The following UQCRFS1 variants were observed in gnomAD, a reference collection of about 807,000 sequenced individuals.
The protein encoded by UQCRFS1 is cytochrome b-c1 complex subunit Rieske, mitochondrial.
A neutral mutation model predicts 15.6 loss-of-function variants in UQCRFS1; 6 were observed. The ratio of observed to expected loss-of-function variants is 0.38; its 90% CI spans 0.21 to 0.76. The LOEUF (loss-of-function observed/expected upper bound fraction) is 0.76, where lower values mean the gene tolerates loss of function less well. UQCRFS1 is among the 30% of genes least tolerant of loss of function. The pLI is 0.44. For missense variants in UQCRFS1, 203 were observed against 366.7 expected (o/e 0.55, Z 3.65); for synonymous variants, 105 against 154.3 (o/e 0.68, Z 2.37).
rs1035743230 is a variant in UQCRFS1, at chr19:29,212,986, G to C, written c.133C>G (p.Leu45Val). The change falls in exon 1 of 2, where the codon CTG becomes GTG. Residue 45 changes from leucine (L) to valine (V), a missense_variant. By Grantham distance (32) the Leu-to-Val change is conservative. Around this residue, in one of 3 missense-constraint regions of UQCRFS1, gnomAD observed 92 missense variants for 120.5 expected, o/e 0.76. Coordinates refer to ENST00000304863, the MANE Select transcript of UQCRFS1 (RefSeq NM_006003.3). ...PATPEQPVLD[L>V]KRPFLSRESL... is the part of the protein sequence containing the mutation. ...TCCCGGCTGAGGAAGGGCCGCTTCA[G>C]GTCCAACACAGGCTGCTCCGGGGTG... The C allele has an allele frequency of 7.1e-7, 1 of 1,406,540 alleles. No homozygotes were observed. Among genetic ancestry groups the C allele is most frequent in the Non-Finnish European group, 9.1e-7 (1 of 1,093,752 alleles). The allele number at this position is 1,406,540 out of a possible 1,614,324, so 87.1% of individuals were successfully genotyped here.
intron 1 of UQCRFS1, among the ~76,000 whole-genome samples, 164 bp downstream of exon 1, chr19:29,212,741 G>A (rs1001225396): frequency 4.1e-4 from 62 of 152,174 alleles, no homozygotes; most frequent in African/African-American, 1.4e-3. Flanking sequence ...CCGGCCACCA[G>A]AAAGACGCCC....
At chr19:29,209,595 T>A (rs910936866) in intron 1 of UQCRFS1, among the ~76,000 whole-genome samples, 2 of 152,124 alleles carry the variant, frequency 1.3e-5, no homozygotes, top group African/African-American at 4.8e-5. Context: ...AACTTGAGAC[T>A]CACATCCCAG....
At position 29,208,063 on chromosome 19, in the gene UQCRFS1, T is replaced by G; in HGVS notation, c.310A>C (p.Arg104=). Reference sequence around the variant, plus strand: ...CCTTTCCTAGCCTCGCTGCTTTCTCTTGAAGACTTCGTACTATCTAAAACT... The same window carrying G: ...CCTTTCCTAGCCTCGCTGCTTTCTCGTGAAGACTTCGTACTATCTAAAACT... ...LEVLDSTKSS[R]ESSEARKGFS... Residue 104 remains arginine, a synonymous_variant, in exon 2 of 2, where the codon AGA becomes CGA. Coordinates refer to ENST00000304863, the MANE Select transcript of UQCRFS1 (RefSeq NM_006003.3). The G allele has an allele frequency of 6.2e-7, 1 of 1,614,118 alleles. No homozygotes were observed. Among genetic ancestry groups the G allele is most frequent in the Non-Finnish European group, 8.5e-7 (1 of 1,179,950 alleles).
rs1225857845 is a variant in UQCRFS1 at position 29,206,401 on chromosome 19, A to T, written c.*1147T>A. The T allele has an allele frequency of 6.6e-6, 1 of 152,190 alleles. No homozygotes were observed. The highest frequency in any genetic ancestry group is 1.5e-5 in the Non-Finnish European group (1 of 68,042). The allele number at this position is 152,190 out of a possible 1,614,324, so 9.4% of individuals were successfully genotyped here. A position where few individuals can be genotyped will look rare whatever the true frequency, so the allele number is the denominator to read the frequency against. On this transcript the variant is annotated 3_prime_UTR_variant, in exon 2 of 2. Transcript: ENST00000304863. Reference sequence around the variant, plus strand: ...CCAACCTAACCATTTTTGCCATTTTAAAAAAGTGTACATGAGATTATCAGG... The same window carrying T: ...CCAACCTAACCATTTTTGCCATTTTTAAAAAGTGTACATGAGATTATCAGG...
chr19:29,207,755 C>T lies in UQCRFS1; in HGVS notation c.618G>A (p.Lys206=), dbSNP rs1395460357. 1.2e-6 allele frequency: 2 copies of T among 1,614,006 alleles called. No individual in the cohort carries two copies. Among genetic ancestry groups the T allele is most frequent in the South Asian group, 1.1e-5 (1 of 91,078 alleles). Residue 206 remains lysine, a synonymous_variant, in exon 2 of 2, where the codon AAG becomes AAA. Transcript: ENST00000304863. ...CTATCAGGATAACCCATTCAGGTTT[C>T]TTTACTCGATCTAGATCATGCTGTG... ...RDPQHDLDRV[K]KPEWVILIGV...
At chr19:29,210,347 G>A (rs1363048684) in intron 1 of UQCRFS1, among the ~76,000 whole-genome samples, 3 of 123,284 alleles carry the variant, frequency 2.4e-5, no homozygotes, top group South Asian at 3.2e-4. Context: ...GTTTCTCTAA[G>A]TCAGGTAAAC....
In UQCRFS1 at chr19:29,207,886, T is replaced by C. The variant is rs1599710220; in HGVS notation, c.487A>G (p.Lys163Glu). 5 of 1,614,018 alleles carry C rather than the reference T, an allele frequency of 3.1e-6. No homozygotes were observed. The highest frequency in any genetic ancestry group is 4.2e-6 in the Non-Finnish European group (5 of 1,179,868). The change falls in exon 2 of 2, where the codon AAG (lysine) becomes GAG (glutamate). Residue 163 changes from lysine to glutamate, a missense_variant. This residue lies in a region of UQCRFS1 where 91 missense variants were observed against 186.9 expected (regional missense o/e 0.49). Transcript: ENST00000304863. ...CCTCTCCATTTGAAAGCCATGTTCT[T>C]GCCTTCTGGAATATCGGATAACTTG... Reference protein sequence around the residue: ...EIKLSDIPEGKNMAFKWRGKP... With the variant: ...EIKLSDIPEGENMAFKWRGKP...
At position 29,207,694 on chromosome 19, in the gene UQCRFS1, T is replaced by C. The variant is rs776417457; in HGVS notation, c.679A>G (p.Asn227Asp). Reference sequence around the variant, plus strand: ...TAATAACCACCAAAATCTCCTGCATTTGCAATGGGTACACAGCCAAGATGA... The same window carrying C: ...TAATAACCACCAAAATCTCCTGCATCTGCAATGGGTACACAGCCAAGATGA... ...CTHLGCVPIA[N>D]AGDFGGYYCP... Residue 227 changes from asparagine (N) to aspartate (D), a missense_variant, in exon 2 of 2, where the codon AAT becomes GAT. This residue lies in a region of UQCRFS1 where 91 missense variants were observed against 186.9 expected (regional missense o/e 0.49). Coordinates refer to ENST00000304863, the MANE Select transcript of UQCRFS1 (RefSeq NM_006003.3). 13 of 1,613,836 alleles carry C rather than the reference T, an allele frequency of 8.1e-6. No individual in the cohort carries two copies. The highest frequency in any genetic ancestry group is 1.3e-5 in the African/African-American group (1 of 74,910).
At position 29,209,347 on chromosome 19, in the gene UQCRFS1, T is replaced by C. The variant is rs140411791; in HGVS notation, c.215-1189A>G. Among the ~76,000 whole-genome samples, 1,404 of 152,310 alleles carry C rather than the reference T, an allele frequency of 9.2e-3. 13 individuals carry two copies. The highest frequency in any genetic ancestry group is 0.011 in the Non-Finnish European group (780 of 68,020). ...AAAGATCTTTTATGATGCATTTTTATTGTAATAAACTGCAATTCTACCTTG... is the reference window on the plus strand; with the variant it reads ...AAAGATCTTTTATGATGCATTTTTACTGTAATAAACTGCAATTCTACCTTG... On this transcript the variant is annotated intron_variant, in intron 1 of 1. Coordinates refer to ENST00000304863, the MANE Select transcript of UQCRFS1 (RefSeq NM_006003.3).
At chr19:29,210,706 T>C (rs1976637658) in intron 1 of UQCRFS1, among the ~76,000 whole-genome samples, 2 of 152,180 alleles carry the variant, frequency 1.3e-5, no homozygotes, top group South Asian at 2.1e-4. Flanking sequence ...TTTTTATGGC[T>C]GCATAGTATT....
chr19:29,210,534 C>CA (rs1976635671), intron 1 of UQCRFS1, among the ~76,000 whole-genome samples: 1 of 136,426 alleles, frequency 7.3e-6, no homozygotes, highest in Non-Finnish European at 1.6e-5. Context: ...CAACAGTCCC[C>CA]AGAGTGTGAT....
rs1466536792 is a variant in UQCRFS1 at position 29,213,055 on chromosome 19, C to A, written c.64G>T (p.Val22Leu). ...APVLSATSRGVAGALRPLVQA... is the reference protein window; with the variant it reads ...APVLSATSRGLAGALRPLVQA... ...ACCAAGGGCCGCAGCGCGCCCGCCA[C>A]CCCGCGGGACGTGGCCGACAGGACG... The change falls in exon 1 of 2, where the codon GTG becomes TTG. Residue 22 changes from valine (V) to leucine (L), a missense_variant. Physicochemically the swap from Val to Leu is conservative, Grantham distance 32. Coordinates refer to ENST00000304863, the MANE Select transcript of UQCRFS1 (RefSeq NM_006003.3). 6.9e-7 allele frequency: 1 copy of A among 1,449,554 alleles called. No individual in the cohort carries two copies. Among genetic ancestry groups the A allele is most frequent in the African/African-American group, 1.5e-5 (1 of 66,832 alleles). 89.8% of individuals were successfully genotyped at this position (1,449,554 alleles called of 1,614,324 possible).
intron 1 of UQCRFS1, among the ~76,000 whole-genome samples, chr19:29,212,541 C>T (rs747198616): frequency 2.5e-4 from 38 of 152,172 alleles, no homozygotes; most frequent in African/African-American, 8.7e-4. Context: ...TCCACCTAAG[C>T]CTCACGACAC....
chr19:29,206,341 T>C lies in UQCRFS1; in HGVS notation c.*1207A>G, dbSNP rs534183470. The stretch of plus-strand genomic sequence containing the variant: ...ACACCTAGCTATTAACATCAAAGGC[T>C]GGAATCCTGGATGGTCAGTTCCCTT... On this transcript the variant is annotated 3_prime_UTR_variant, in exon 2 of 2. Coordinates refer to ENST00000304863, the MANE Select transcript of UQCRFS1 (RefSeq NM_006003.3). 3 of 152,360 alleles carry C rather than the reference T, an allele frequency of 2.0e-5. No homozygotes were observed. In the South Asian group the frequency reaches 6.2e-4, roughly 32 times the overall value. The allele number at this position is 152,360 out of a possible 1,614,324, so 9.4% of individuals were successfully genotyped here.
intron 1 of UQCRFS1, among the ~76,000 whole-genome samples, chr19:29,212,304 T>C (rs1157390244): frequency 6.6e-6 from 1 of 152,094 alleles, no homozygotes; most frequent in East Asian, 1.9e-4. Flanking sequence ...AAAATGTAAA[T>C]GTCGTCAATC....
At chr19:29,211,276 A>G (rs1273402450) in intron 1 of UQCRFS1, among the ~76,000 whole-genome samples, 1 of 152,062 alleles carries the variant, frequency 6.6e-6, no homozygotes, top group Non-Finnish European at 1.5e-5. Flanking sequence ...AACACATGAA[A>G]AAATGCTCAG....
In UQCRFS1 at chr19:29,206,074, T is replaced by C. The variant is rs755240813; in HGVS notation, c.*1474A>G. On this transcript the variant is annotated 3_prime_UTR_variant, in exon 2 of 2. Transcript: ENST00000304863. ...GACATTTTTGGCAGCACAGGTTTTT[T>C]AGTGTGTGGACCTGTGTTCCCCTCA... is the stretch of plus-strand genomic sequence containing the variant. The C allele has an allele frequency of 5.3e-5, 8 of 152,164 alleles. 1 individual carries two copies. The highest frequency in any genetic ancestry group is 2.1e-4 in the South Asian group (1 of 4,826). 9.4% of individuals were successfully genotyped at this position (152,164 alleles called of 1,614,324 possible).
chr19:29,210,877 T>C (rs1409930143), intron 1 of UQCRFS1, among the ~76,000 whole-genome samples: 1 of 152,050 alleles, frequency 6.6e-6, no homozygotes, highest in Non-Finnish European at 1.5e-5. Context: ...ATATACCCAG[T>C]AATGGGATGG....
intron 1 of UQCRFS1, among the ~76,000 whole-genome samples, chr19:29,210,324 G>A (rs1370420133): frequency 6.6e-6 from 1 of 150,988 alleles, no homozygotes; most frequent in African/African-American, 2.4e-5. Flanking sequence ...TTATTTGCCT[G>A]TTTCTAAAAA....
Sources: allele counts gnomAD v4.1 joint callset (sites outside exome capture counted in the v4.1 genomes callset), GRCh38; gene constraint gnomAD v4.1.1; regional missense constraint gnomAD v4.1.1; transcripts MANE v1.5; gene names NCBI Gene and HGNC (gene_info 2026-07-23, HGNC 2026-07-21).